TIAM1: variants seen among roughly 807,000 people sequenced by gnomAD.
TIAM1 encodes TIAM Rac1 associated GEF 1, also known as rho guanine nucleotide exchange factor TIAM1.
In TIAM1, 65 loss-of-function variants were observed where a neutral mutation model predicts 163.5. The observed-to-expected ratio is 0.40, with a 90% confidence interval of 0.33 to 0.49. The LOEUF (loss-of-function observed/expected upper bound fraction) is 0.49. TIAM1 is among the 20% of genes least tolerant of loss of function. The pLI is 0.77. For missense variants in TIAM1, 1,789 were observed against 2,044.7 expected, an observed-to-expected ratio of 0.87 and a Z score of 2.41; for synonymous variants, 833 against 810.1, an observed-to-expected ratio of 1.03 and a Z score of -0.48.
chr21:31,374,463 A>G (rs2076651571), intron 2 of TIAM1, among the ~76,000 whole-genome samples: 1 of 152,166 alleles, frequency 6.6e-6, no homozygotes, highest in Admixed American at 6.5e-5. Flanking sequence ...TGGAACTCTC[A>G]GCAACTTCAC....
intron 6 of TIAM1, among the ~76,000 whole-genome samples, chr21:31,227,853 T>C (rs141893672): frequency 1.3e-4 from 20 of 152,246 alleles, no homozygotes; most frequent in African/African-American, 4.1e-4. Context: ...AGCTTGATCA[T>C]TGGATCTCCC....
chr21:31,340,428 T>G (rs1421847857), intron 1 of TIAM1, among the ~76,000 whole-genome samples: 1 of 152,124 alleles, frequency 6.6e-6, no homozygotes, highest in Non-Finnish European at 1.5e-5. Context: ...CCCCCAAAAG[T>G]GCTTAGAAAC....
chr21:31,147,508 C>T (rs985314681), intron 19 of TIAM1, among the ~76,000 whole-genome samples: 9 of 151,634 alleles, frequency 5.9e-5, no homozygotes, highest in African/African-American at 2.2e-4. Context: ...GAAACACGCT[C>T]AACTATGGAA....
chr21:31,205,564 A>AGT (rs2086407251), intron 11 of TIAM1, among the ~76,000 whole-genome samples: 2 of 152,242 alleles, frequency 1.3e-5, no homozygotes, highest in South Asian at 4.1e-4. Flanking sequence ...TAAATGCTAC[A>AGT]GTACTGAAAA....
chr21:31,396,039 T>G (rs959680381), intron 2 of TIAM1, among the ~76,000 whole-genome samples: 1 of 152,184 alleles, frequency 6.6e-6, no homozygotes, highest in Non-Finnish European at 1.5e-5. Flanking sequence ...AGTGCTAAAC[T>G]AAATTAGAGG....
intron 2 of TIAM1, among the ~76,000 whole-genome samples, chr21:31,369,122 A>G (rs934737180): frequency 6.6e-6 from 1 of 150,846 alleles, no homozygotes; most frequent in Non-Finnish European, 1.5e-5. Context: ...GCTTCTTGGG[A>G]GGCTGAGGCA....
chr21:31,505,631 C>T (rs1290567051), intron 1 of TIAM1, among the ~76,000 whole-genome samples: 1 of 152,072 alleles, frequency 6.6e-6, no homozygotes, highest in Admixed American at 6.6e-5. Context: ...TCAGCATTAC[C>T]GTCTTAGATG....
At chr21:31,297,331 A>G (rs142264433) in intron 2 of TIAM1, among the ~76,000 whole-genome samples, 96 of 152,340 alleles carry the variant, frequency 6.3e-4, no homozygotes, top group African/African-American at 2.1e-3. Context: ...ATGGGTACAC[A>G]GTTTTGGTTC....
At chr21:31,161,868 C>T (rs571980014) in intron 16 of TIAM1, among the ~76,000 whole-genome samples, 2 of 152,180 alleles carry the variant, frequency 1.3e-5, no homozygotes, top group South Asian at 2.1e-4. Flanking sequence ...ATATAGGAGA[C>T]GCATCAAAAA....
chr21:31,523,602 A>G (rs956181794), intron 1 of TIAM1, among the ~76,000 whole-genome samples: 1 of 152,124 alleles, frequency 6.6e-6, no homozygotes, highest in African/African-American at 2.4e-5. Context: ...TCTGAACCTC[A>G]GTTTGCTCAT....
At chr21:31,206,808 TA>T (rs1484661018) in intron 11 of TIAM1, among the ~76,000 whole-genome samples, 2 of 143,502 alleles carry the variant, frequency 1.4e-5, no homozygotes, top group East Asian at 2.2e-4. Flanking sequence ...TTAGAGCTCC[TA>T]ATCCATTATG....
chr21:31,278,757 AC>A (rs1281508447), intron 2 of TIAM1, among the ~76,000 whole-genome samples: 2 of 152,234 alleles, frequency 1.3e-5, no homozygotes, highest in Middle Eastern at 3.4e-3. Flanking sequence ...CCCCATTATT[AC>A]CCCACAATAT....
At chr21:31,245,428 G>T in intron 6 of TIAM1, 60 bp downstream of exon 6, 4 of 843,484 alleles carry the variant, frequency 4.7e-6, no homozygotes, top group Non-Finnish European at 6.3e-6. Flanking sequence ...GCCTAGGCAA[G>T]AAAAGAAGGT....
At chr21:31,534,039 C>T (rs552081693) in intron 1 of TIAM1, among the ~76,000 whole-genome samples, 3 of 152,328 alleles carry the variant, frequency 2.0e-5, no homozygotes, top group Non-Finnish European at 2.9e-5. Flanking sequence ...TGTGGTCTTT[C>T]GGAAATACCC....
At chr21:31,199,716 A>T (rs1402058678) in intron 12 of TIAM1, among the ~76,000 whole-genome samples, 1 of 149,968 alleles carries the variant, frequency 6.7e-6, no homozygotes, top group Non-Finnish European at 1.5e-5. Flanking sequence ...TTTTTAGTAG[A>T]GATGGAGTTT....
intron 11 of TIAM1, among the ~76,000 whole-genome samples, chr21:31,205,116 C>G (rs1191188984): frequency 6.6e-6 from 1 of 152,188 alleles, no homozygotes; most frequent in African/African-American, 2.4e-5. Context: ...GGAGAATCAT[C>G]AAGATAAATA....
chr21:31,127,024 G>T, intron 26 of TIAM1, 41 bp downstream of exon 26: 3 of 1,601,794 alleles, frequency 1.9e-6, no homozygotes, highest in South Asian at 1.1e-5. Context: ...CCAATCTGCA[G>T]AAATGTCAAC....
chr21:31,246,221 C>CT (rs200986423), intron 5 of TIAM1, among the ~76,000 whole-genome samples: 2,695 of 148,510 alleles, frequency 0.018, 79 homozygotes, highest in African/African-American at 0.063. Context: ...CATCTATAAA[C>CT]TTTTTTTTTT....
intron 2 of TIAM1, among the ~76,000 whole-genome samples, chr21:31,410,682 G>A (rs190373222): frequency 3.3e-5 from 5 of 151,154 alleles, no homozygotes; most frequent in Admixed American, 1.3e-4. Context: ...GAGACAGGGC[G>A]TGAGAGTGTG....
Sources: allele counts gnomAD v4.1 joint callset (sites outside exome capture counted in the v4.1 genomes callset), GRCh38; gene constraint gnomAD v4.1.1; transcripts MANE v1.5; gene names NCBI Gene and HGNC (gene_info 2026-07-23, HGNC 2026-07-21).